Variants in ABCB5 observed in about 807,000 individuals in gnomAD.
ABCB5 encodes ATP binding cassette subfamily B member 5, also known as ATP-binding cassette sub-family B member 5.
In ABCB5, 155 loss-of-function variants were observed where a neutral mutation model predicts 144.2. That is an observed-to-expected ratio of 1.08 (90% CI 0.94 to 1.23). The LOEUF (loss-of-function observed/expected upper bound fraction) is 1.23. Among genes scored for constraint, ABCB5 ranks in the 50% most tolerant of loss-of-function variants. ABCB5 has a pLI of 0.00. For missense variants in ABCB5, 1,830 were observed against 1,520.8 expected (o/e 1.20, Z -3.38); for synonymous variants, 610 against 528.6 (o/e 1.15, Z -2.11).
rs80339097 is a variant in ABCB5 at position 20,703,720 on chromosome 7, C to T, written c.2338-1004C>T. 6.0e-3 allele frequency among the ~76,000 whole-genome samples: 909 copies of T among 152,298 alleles called. 8 individuals carry two copies. Among genetic ancestry groups the T allele is most frequent in the African/African-American group, 0.021 (872 of 41,560 alleles). ...AGTGGTTCCAGTGAGTGTGAGGAAA[C>T]ATTCAATAGCTATAAGAGGAAATCA... is the stretch of plus-strand genomic sequence containing the variant. On this transcript the variant is annotated intron_variant, in intron 19 of 27. Transcript: ENST00000404938.
intron 14 of ABCB5, among the ~76,000 whole-genome samples, chr7:20,669,392 C>T (rs1272427055): frequency 6.9e-6 from 1 of 144,442 alleles, no homozygotes; most frequent in Admixed American, 6.9e-5. Flanking sequence ...AAGAAAAATT[C>T]TTCTGCCTTG....
At chr7:20,656,916 T>TC (rs1361707813) in intron 13 of ABCB5, among the ~76,000 whole-genome samples, 1 of 99,716 alleles carries the variant, frequency 1.0e-5, no homozygotes, top group East Asian at 3.0e-4. Flanking sequence ...CTTTTTCTTT[T>TC]TTTTTTTTTT....
intron 5 of ABCB5, among the ~76,000 whole-genome samples, chr7:20,639,624 CT>C (rs1168731578): frequency 6.6e-6 from 1 of 152,160 alleles, no homozygotes; most frequent in Non-Finnish European, 1.5e-5. Flanking sequence ...ATTAAATTGC[CT>C]TGGCACCTTT....
intron 20 of ABCB5, 31 bp from the exon 21 acceptor site, chr7:20,722,985 G>T (rs527334021): frequency 6.2e-7 from 1 of 1,602,896 alleles, no homozygotes; most frequent in Non-Finnish European, 8.5e-7. Context: ...AGTTAATTGA[G>T]TTTTTTCCCC....
intron 14 of ABCB5, among the ~76,000 whole-genome samples, chr7:20,669,172 C>T (rs113561317): frequency 3.4e-5 from 5 of 149,042 alleles, no homozygotes; most frequent in Admixed American, 6.6e-5. Flanking sequence ...CCCGGCCGCC[C>T]CTACTGGGAA....
chr7:20,706,371 A>C (rs1786822668), intron 20 of ABCB5, among the ~76,000 whole-genome samples: 1 of 152,204 alleles, frequency 6.6e-6, no homozygotes, highest in Admixed American at 6.5e-5. Context: ...ACCAGCAGCT[A>C]TATTAATATG....
intron 14 of ABCB5, chr7:20,660,066 A>G: frequency 4.1e-6 from 4 of 985,456 alleles, no homozygotes; most frequent in Non-Finnish European, 4.8e-6. Context: ...CAGTATTTTC[A>G]TCCACTGGTA....
chr7:20,630,585 T>C (rs543125234), intron 4 of ABCB5, among the ~76,000 whole-genome samples: 1 of 152,304 alleles, frequency 6.6e-6, no homozygotes, highest in East Asian at 1.9e-4. Flanking sequence ...AAATCTGATA[T>C]ATTAATGATG....
intron 3 of ABCB5, among the ~76,000 whole-genome samples, chr7:20,627,024 G>A (rs545345821): frequency 6.6e-6 from 1 of 152,090 alleles, no homozygotes; most frequent in African/African-American, 2.4e-5. Flanking sequence ...TTTTTATAGT[G>A]TTACAAATCC....
At chr7:20,669,628 C>G (rs1391099337) in intron 14 of ABCB5, among the ~76,000 whole-genome samples, 1 of 97,118 alleles carries the variant, frequency 1.0e-5, no homozygotes, top group African/African-American at 4.2e-5. Context: ...AAACCAGAGA[C>G]CTTTGTTCAC....
In ABCB5 at chr7:20,728,338, T is replaced by C. The variant is rs1360090745; in HGVS notation, c.2750T>C (p.Ile917Thr). Reference sequence around the variant, plus strand: ...AGAAATACCTCGAAGAAAGCACAGATTATTGGAAGCTGTTATGCATTCAGC... The same window carrying C: ...AGAAATACCTCGAAGAAAGCACAGACTATTGGAAGCTGTTATGCATTCAGC... Reference protein sequence around the residue: ...QHRNTSKKAQIIGSCYAFSHA... With the variant: ...QHRNTSKKAQTIGSCYAFSHA... Residue 917 changes from isoleucine (I) to threonine (T), a missense_variant, in exon 23 of 28, where the codon ATT (isoleucine) becomes ACT (threonine). By Grantham distance (89) the Ile-to-Thr change is moderately conservative (BLOSUM62 -1). Transcript: ENST00000404938. 1 of 1,614,066 alleles carries C rather than the reference T, an allele frequency of 6.2e-7. No individual in the cohort carries two copies. The highest frequency in any genetic ancestry group is 1.3e-5 in the African/African-American group (1 of 75,048).
At chr7:20,621,625 G>C (rs541511096) in intron 1 of ABCB5, among the ~76,000 whole-genome samples, 70 of 152,194 alleles carry the variant, frequency 4.6e-4, no homozygotes, top group African/African-American at 1.6e-3. Flanking sequence ...TGAGGAAAGA[G>C]AGAAAAATAT....
intron 24 of ABCB5, 100 bp downstream of exon 24, chr7:20,739,239 A>G: frequency 2.3e-6 from 3 of 1,277,154 alleles, no homozygotes; most frequent in Non-Finnish European, 3.1e-6. Flanking sequence ...GGGCTGAAAA[A>G]CTAACCATTG....
Position 20,646,022 on chromosome 7 carries a change from G to C in ABCB5, c.865G>C (p.Val289Leu), listed in dbSNP as rs373260063. ...FGIKRTIASK[V>L]SLGAVYFFMN... ...CATAAAAAGGACTATAGCTTCAAAA[G>C]TGTCTCTTGGTGCTGTGTACTTCTT... The change falls in exon 9 of 28, where the codon GTG (valine) becomes CTG (leucine). Residue 289 changes from valine (V) to leucine (L), a missense_variant. Transcript: ENST00000404938. The C allele has an allele frequency of 3.7e-6, 6 of 1,613,888 alleles. No individual in the cohort carries two copies. The highest frequency in any genetic ancestry group is 5.1e-6 in the Non-Finnish European group (6 of 1,179,818).
At chr7:20,715,904 G>C (rs1164110943) in intron 20 of ABCB5, among the ~76,000 whole-genome samples, 1 of 151,838 alleles carries the variant, frequency 6.6e-6, no homozygotes, top group Non-Finnish European at 1.5e-5. Flanking sequence ...ATTTTTAGTA[G>C]AGACGGGCTT....
chr7:20,680,706 T>C (rs948350969), intron 14 of ABCB5, among the ~76,000 whole-genome samples: 4 of 152,196 alleles, frequency 2.6e-5, no homozygotes, highest in Non-Finnish European at 5.9e-5. Context: ...GTATGTACCC[T>C]TATGTGCATT....
chr7:20,659,135 C>T, intron 14 of ABCB5: 1 of 1,613,962 alleles, frequency 6.2e-7, no homozygotes, highest in Admixed American at 1.7e-5. Flanking sequence ...GAACCAGCGC[C>T]CTTCGACAGC....
intron 12 of ABCB5, among the ~76,000 whole-genome samples, chr7:20,651,073 A>G (rs1054911118): frequency 1.6e-4 from 24 of 152,160 alleles, no homozygotes; most frequent in Non-Finnish European, 5.9e-5. Context: ...GAAGAAATGT[A>G]AGGGTCACAT....
chr7:20,742,908 A>G lies in ABCB5; in HGVS notation c.3056A>G (p.Glu1019Gly), dbSNP rs1220054645. The part of the protein sequence containing the change: ...DTCEGNLEFR[E>G]VSFFYPCRPD... ...TGTGAAGGGAATTTAGAGTTTCGAG[A>G]AGTCTCTTTCTTCTATCCATGTCGC... The change falls in exon 25 of 28, where the codon GAA (glutamate) becomes GGA (glycine). Residue 1019 changes from glutamate to glycine, a missense_variant. Coordinates refer to ENST00000404938, the MANE Select transcript of ABCB5 (RefSeq NM_001163941.2). The G allele has an allele frequency of 1.2e-6, 2 of 1,614,058 alleles. No individual in the cohort carries two copies. Among genetic ancestry groups the G allele is most frequent in the African/African-American group, 2.7e-5 (2 of 74,908 alleles).
Sources: allele counts gnomAD v4.1 joint callset (sites outside exome capture counted in the v4.1 genomes callset), GRCh38; gene constraint gnomAD v4.1.1; transcripts MANE v1.5; gene names NCBI Gene and HGNC (gene_info 2026-07-23, HGNC 2026-07-21).